Variants in MPRIP observed in about 807,000 individuals in gnomAD.
MPRIP encodes the protein myosin phosphatase Rho interacting protein.
In MPRIP, 59 loss-of-function variants were observed where a neutral mutation model predicts 234.9. The observed-to-expected ratio is 0.25, with a 90% confidence interval of 0.20 to 0.31. The LOEUF (loss-of-function observed/expected upper bound fraction) is 0.31, where lower values mean the gene tolerates loss of function less well. Ranked by LOEUF, MPRIP falls within the 10% of genes least tolerant of loss-of-function variation. The probability of loss-of-function intolerance (pLI) is 1.00; values close to 1 mark genes in which losing one functional copy is unlikely to be tolerated. For synonymous variants in MPRIP, 1,144 were observed against 1,263.9 expected, an observed-to-expected ratio of 0.91 and a Z score of 2.01; for missense variants, 2,436 against 3,071.0, an observed-to-expected ratio of 0.79 and a Z score of 4.89.
intron 5 of MPRIP, among the ~76,000 whole-genome samples, chr17:17,133,679 C>T (rs1567737784): frequency 6.6e-6 from 1 of 152,218 alleles, no homozygotes; most frequent in African/African-American, 2.4e-5. Context: ...GTGGGACCTT[C>T]TGGAAGGTTC....
intron 3 of MPRIP, among the ~76,000 whole-genome samples, chr17:17,093,174 A>G: frequency 6.6e-6 from 1 of 152,230 alleles, no homozygotes; most frequent in Non-Finnish European, 1.5e-5. Context: ...CACATCAGTC[A>G]TTTGGTTGAA....
At chr17:17,123,124 A>G (rs2090424703) in intron 3 of MPRIP, among the ~76,000 whole-genome samples, 2 of 152,258 alleles carry the variant, frequency 1.3e-5, no homozygotes, top group Admixed American at 1.3e-4. Flanking sequence ...AATGGAAGCC[A>G]GATTTTTCCA....
chr17:17,184,161 C>A (rs2046428091), intron 23 of MPRIP, among the ~76,000 whole-genome samples: 1 of 152,244 alleles, frequency 6.6e-6, no homozygotes. Context: ...AGATCTCATT[C>A]ATCTCTGGAC....
rs534530064 is a variant in MPRIP, at chr17:17,051,149, C to T, written c.123+8178C>T. On this transcript the variant is annotated intron_variant, in intron 1 of 23. Coordinates refer to ENST00000651222, the MANE Select transcript of MPRIP (RefSeq NM_001364716.4). ...AGCCCCCCATGTGGTGAGGGATGTTCCAGGAAGCACGCTGGCTGCCGCCTC... is the reference window on the plus strand; with the variant it reads ...AGCCCCCCATGTGGTGAGGGATGTTTCAGGAAGCACGCTGGCTGCCGCCTC... Among the ~76,000 whole-genome samples, 9 of 152,304 alleles carry T rather than the reference C, an allele frequency of 5.9e-5. No homozygotes were observed. The South Asian group carries it at 1.0e-3, about 18-fold the overall frequency.
At chr17:17,052,806 A>G (rs989915313) in intron 1 of MPRIP, among the ~76,000 whole-genome samples, 3 of 152,082 alleles carry the variant, frequency 2.0e-5, no homozygotes, top group African/African-American at 7.2e-5. Flanking sequence ...AGGAAGCACA[A>G]TTTTTTCCTC....
At chr17:17,133,955 G>A (rs1205941217) in intron 5 of MPRIP, among the ~76,000 whole-genome samples, 2 of 152,176 alleles carry the variant, frequency 1.3e-5, no homozygotes, top group East Asian at 1.9e-4. Flanking sequence ...TTCCAGCCAG[G>A]TGTGCAGGCC....
At chr17:17,046,914 A>C (rs1464638934) in intron 1 of MPRIP, among the ~76,000 whole-genome samples, 1 of 152,228 alleles carries the variant, frequency 6.6e-6, no homozygotes, top group East Asian at 1.9e-4. Flanking sequence ...GCAGTGGCTC[A>C]TGCCTGTAAT....
At chr17:17,135,606 T>A (rs1042198093) in intron 5 of MPRIP, among the ~76,000 whole-genome samples, 1 of 152,214 alleles carries the variant, frequency 6.6e-6, no homozygotes, top group South Asian at 2.1e-4. Context: ...GCCCCCTTGC[T>A]GGTCCTCACA....
intron 22 of MPRIP, 40 bp downstream of exon 22, chr17:17,177,452 G>T (rs769633006): frequency 6.3e-7 from 1 of 1,595,496 alleles, no homozygotes; most frequent in South Asian, 1.1e-5. Context: ...ATTGCTGGGG[G>T]GCTTATGGGG....
In MPRIP at chr17:17,091,997, A is replaced by G. The variant is rs571197493; in HGVS notation, c.267+13921A>G. Among the ~76,000 whole-genome samples, 6 of 152,342 alleles carry G rather than the reference A, an allele frequency of 3.9e-5. No homozygotes were observed. The South Asian group carries it at 6.2e-4, about 16-fold the overall frequency. On this transcript the variant is annotated intron_variant, in intron 3 of 23. Coordinates refer to ENST00000651222, the MANE Select transcript of MPRIP (RefSeq NM_001364716.4). ...ACTTGTGCTCTTTTTGGGTGATGCTATGGCGACCCACACTAGAGGAGGGTG... is the reference window on the plus strand; with the variant it reads ...ACTTGTGCTCTTTTTGGGTGATGCTGTGGCGACCCACACTAGAGGAGGGTG...
chr17:17,149,854 G>T lies in MPRIP; in HGVS notation c.1630-290G>T, dbSNP rs1423893785. ...AATAGATGAAATCCACCTAACAGAA[G>T]CTCTTCTAGGGCCACCAGTTTTTAA... On this transcript the variant is annotated intron_variant, in intron 11 of 23. Transcript: ENST00000651222. 3.7e-5 allele frequency: 7 copies of T among 188,736 alleles called. No individual in the cohort carries two copies. In the East Asian group the frequency reaches 8.8e-4, roughly 24 times the overall value. The allele number at this position is 188,736 out of a possible 1,614,324, so 11.7% of individuals were successfully genotyped here.
intron 1 of MPRIP, among the ~76,000 whole-genome samples, chr17:17,046,455 T>A (rs375688988): frequency 2.7e-3 from 414 of 152,308 alleles, no homozygotes; most frequent in Non-Finnish European, 4.3e-3. Context: ...ATCAAGCGCA[T>A]AAATTTTTTT....
chr17:17,081,361 C>A (rs1039626222), intron 3 of MPRIP, among the ~76,000 whole-genome samples: 1 of 152,206 alleles, frequency 6.6e-6, no homozygotes, highest in African/African-American at 2.4e-5. Context: ...GAACTACCAA[C>A]TTTGTAAATG....
rs117055294 is a variant in MPRIP, at chr17:17,190,218, A to C, written c.*5324A>C. The C allele has an allele frequency of 0.054, 8,255 of 152,388 alleles. 295 individuals carry two copies. The highest frequency in any genetic ancestry group is 0.099 in the Middle Eastern group (29 of 294). The allele number at this position is 152,388 out of a possible 1,614,324, so 9.4% of individuals were successfully genotyped here. ...TGTAAACTCAGTAGATTTTTCATCC[A>C]GTGAACGGTCATCTTCACATCGAAA... is the stretch of plus-strand genomic sequence containing the variant. On this transcript the variant is annotated 3_prime_UTR_variant, in exon 24 of 24. Transcript: ENST00000651222.
At chr17:17,168,548 G>T (rs58326998) in intron 16 of MPRIP, 39,566 of 333,276 alleles carry the variant, frequency 0.12, 3,430 homozygotes, top group East Asian at 0.3. Context: ...GAACTGTCCT[G>T]CATCCCCGCC....
intron 3 of MPRIP, among the ~76,000 whole-genome samples, chr17:17,113,910 A>G (rs2090227435): frequency 8.2e-6 from 1 of 121,236 alleles, no homozygotes; most frequent in Non-Finnish European, 1.6e-5. Context: ...TTTTTACTTA[A>G]GAGACAGGGT....
intron 3 of MPRIP, among the ~76,000 whole-genome samples, chr17:17,122,025 G>T (rs1279358095): frequency 6.6e-6 from 1 of 152,166 alleles, no homozygotes; most frequent in African/African-American, 2.4e-5. Flanking sequence ...ATATTCCATG[G>T]TGTATATATA....
At chr17:17,051,155 A>T (rs2088528293) in intron 1 of MPRIP, among the ~76,000 whole-genome samples, 1 of 152,244 alleles carries the variant, frequency 6.6e-6, no homozygotes, top group African/African-American at 2.4e-5. Context: ...TGTTCCAGGA[A>T]GCACGCTGGC....
chr17:17,115,258 A>G (rs1208193720), intron 3 of MPRIP, among the ~76,000 whole-genome samples: 2 of 152,266 alleles, frequency 1.3e-5, no homozygotes, highest in Non-Finnish European at 2.9e-5. Flanking sequence ...GTCACATTCC[A>G]GTAGAGGGAA....
Sources: allele counts gnomAD v4.1 joint callset (sites outside exome capture counted in the v4.1 genomes callset), GRCh38; gene constraint gnomAD v4.1.1; transcripts MANE v1.5; gene names NCBI Gene and HGNC (gene_info 2026-07-23, HGNC 2026-07-21).